JARID2: variants seen among roughly 807,000 people sequenced by gnomAD.
The protein encoded by JARID2 is jumonji and AT-rich interaction domain containing 2, also known as protein Jumonji.
A neutral mutation model predicts 125.6 loss-of-function variants in JARID2; 21 were observed. The ratio of observed to expected loss-of-function variants is 0.17; its 90% CI spans 0.12 to 0.24. JARID2 has a LOEUF of 0.24. Among genes scored for constraint, JARID2 ranks in the 10% least tolerant of loss-of-function variants. JARID2 has a pLI of 1.00. For missense variants in JARID2, 1,303 were observed against 1,639.6 expected (o/e 0.79, Z 3.55); for synonymous variants, 736 against 661.6 (o/e 1.11, Z -1.73).
intron 2 of JARID2, among the ~76,000 whole-genome samples, chr6:15,390,576 T>A (rs957327268): frequency 6.6e-6 from 1 of 152,160 alleles, no homozygotes; most frequent in South Asian, 2.1e-4. Flanking sequence ...TGTGAGAAAC[T>A]CTGTGCAAGG....
intron 2 of JARID2, chr6:15,400,912 T>C: frequency 2.3e-6 from 3 of 1,289,112 alleles, no homozygotes; most frequent in Non-Finnish European, 3.0e-6. Context: ...CCTCTGTCCT[T>C]CTTCCTCTCT....
chr6:15,268,797 G>C (rs1007063042), intron 1 of JARID2, among the ~76,000 whole-genome samples: 4 of 152,188 alleles, frequency 2.6e-5, no homozygotes, highest in Non-Finnish European at 5.9e-5. Context: ...CAAAGAATTT[G>C]CTTTTCCTTT....
At chr6:15,306,623 T>A (rs1761837770) in intron 1 of JARID2, among the ~76,000 whole-genome samples, 1 of 151,702 alleles carries the variant, frequency 6.6e-6, no homozygotes, top group Non-Finnish European at 1.5e-5. Flanking sequence ...CAGGCGTGAG[T>A]CACCGTGCCT....
At chr6:15,376,481 C>T (rs973420013) in intron 2 of JARID2, among the ~76,000 whole-genome samples, 18 of 152,016 alleles carry the variant, frequency 1.2e-4, no homozygotes, top group Admixed American at 6.6e-4. Flanking sequence ...CTTGAAAGGC[C>T]GAGGAGGGAG....
rs761015146 is a variant in JARID2 at position 15,513,214 on chromosome 6, G to A, written c.3267-25G>A. ...AGCATGGCAGGCCGTCACTAAAGGT[G>A]CGGGCCGTCTCCCGTGTCTGGCAGG... On this transcript the variant is annotated intron_variant, in intron 15 of 17. Coordinates refer to ENST00000341776, the MANE Select transcript of JARID2 (RefSeq NM_004973.4). 4 of 1,552,960 alleles carry A rather than the reference G, an allele frequency of 2.6e-6. No individual in the cohort carries two copies. In the Admixed American group the frequency reaches 5.8e-5, roughly 23 times the overall value.
chr6:15,342,679 T>A (rs934400663), intron 1 of JARID2, among the ~76,000 whole-genome samples: 1 of 152,176 alleles, frequency 6.6e-6, no homozygotes, highest in African/African-American at 2.4e-5. Context: ...ACTTTTCTAG[T>A]TTGTTAAAAT....
chr6:15,248,981 C>G, intron 1 of JARID2: 1 of 984,892 alleles, frequency 1.0e-6, no homozygotes, highest in African/African-American at 1.7e-5. Context: ...GCCGGGGAGC[C>G]GTAGGTCCCC....
chr6:15,369,923 G>T (rs989587476), intron 1 of JARID2, among the ~76,000 whole-genome samples: 1 of 152,204 alleles, frequency 6.6e-6, no homozygotes, highest in Non-Finnish European at 1.5e-5. Context: ...TGTGGAGGAA[G>T]GATGTCTCCC....
chr6:15,401,593 G>A (rs779906443), intron 2 of JARID2, among the ~76,000 whole-genome samples: 3 of 152,116 alleles, frequency 2.0e-5, no homozygotes, highest in Non-Finnish European at 4.4e-5. Flanking sequence ...TTGAAAGATG[G>A]AGGAAACTGA....
intron 1 of JARID2, among the ~76,000 whole-genome samples, chr6:15,340,612 G>A (rs1169872526): frequency 1.2e-4 from 19 of 152,200 alleles, no homozygotes; most frequent in African/African-American, 4.3e-4. Context: ...TATTGGGGCA[G>A]ACTTTTATTC....
At chr6:15,487,628 G>C in intron 6 of JARID2, 86 bp downstream of exon 6, 3 of 1,202,558 alleles carry the variant, frequency 2.5e-6, no homozygotes, top group Non-Finnish European at 3.5e-6. Context: ...TCTTCAGAGG[G>C]CTCAAGAAGC....
At chr6:15,474,460 CTTTTTT>C (rs59060966) in intron 5 of JARID2, among the ~76,000 whole-genome samples, 1 of 143,772 alleles carries the variant, frequency 7.0e-6, no homozygotes, top group Non-Finnish European at 1.5e-5. Flanking sequence ...AGTTGCATGC[CTTTTTT>C]TTTTTTTTTT....
chr6:15,474,679 A>G (rs1769254998), intron 5 of JARID2, among the ~76,000 whole-genome samples: 1 of 152,192 alleles, frequency 6.6e-6, no homozygotes, highest in South Asian at 2.1e-4. Flanking sequence ...CTAATGGTGG[A>G]TGCCAGCCAT....
At chr6:15,422,083 C>G (rs922840250) in intron 3 of JARID2, among the ~76,000 whole-genome samples, 2 of 152,216 alleles carry the variant, frequency 1.3e-5, no homozygotes, top group African/African-American at 4.8e-5. Context: ...TCCCGAAATC[C>G]TCTCTTGGGT....
Position 15,520,639 on chromosome 6 carries a change from A to C in JARID2, c.*388A>C. The C allele has an allele frequency of 3.6e-6, 1 of 279,480 alleles. No individual in the cohort carries two copies. Among genetic ancestry groups the C allele is most frequent in the Admixed American group, 4.5e-5 (1 of 22,332 alleles). The allele number at this position is 279,480 out of a possible 1,614,324, so 17.3% of individuals were successfully genotyped here. On this transcript the variant is annotated 3_prime_UTR_variant, in exon 18 of 18. Transcript: ENST00000341776. The stretch of plus-strand genomic sequence containing the variant: ...GTGAAGTTTGGAGAACAAATTTAAA[A>C]ACCATCAGTCATGTGAGCAGATTTT...
chr6:15,453,085 T>C (rs1279023215), intron 4 of JARID2, among the ~76,000 whole-genome samples: 1 of 152,232 alleles, frequency 6.6e-6, no homozygotes, highest in Non-Finnish European at 1.5e-5. Flanking sequence ...AATACATTAG[T>C]GTGTCTTTCC....
intron 1 of JARID2, among the ~76,000 whole-genome samples, chr6:15,372,822 C>T (rs1306797860): frequency 2.0e-5 from 3 of 152,088 alleles, no homozygotes; most frequent in Non-Finnish European, 4.4e-5. Context: ...AATTCTCGTG[C>T]CTCAGCCTCC....
At chr6:15,340,186 T>C (rs1028653180) in intron 1 of JARID2, among the ~76,000 whole-genome samples, 1 of 152,192 alleles carries the variant, frequency 6.6e-6, no homozygotes, top group Admixed American at 6.5e-5. Context: ...GGGCTGTGTC[T>C]ATAAAGTTAT....
intron 2 of JARID2, among the ~76,000 whole-genome samples, chr6:15,399,190 G>T (rs577212768): frequency 6.6e-6 from 1 of 152,296 alleles, no homozygotes; most frequent in East Asian, 1.9e-4. Context: ...CACCCTGGCA[G>T]CCATTGGAGA....
Sources: gnomAD v4.1 joint callset for allele counts (sites outside exome capture counted in the v4.1 genomes callset) on GRCh38, gnomAD v4.1.1 for gene constraint, MANE v1.5 for transcripts, NCBI Gene and HGNC (gene_info 2026-07-23, HGNC 2026-07-21) for gene names.